Variants in DNAH7 observed in about 807,000 individuals in gnomAD.
DNAH7 encodes the protein axonemal beta dynein heavy chain 7.
In DNAH7, 397 loss-of-function variants were observed where a neutral mutation model predicts 444.6. The observed-to-expected ratio is 0.89, with a 90% CI of 0.82 to 0.97. The LOEUF is 0.97. Ranked by LOEUF, DNAH7 falls within the 50% of genes least tolerant of loss-of-function variation. The pLI, the probability that DNAH7 is intolerant of heterozygous loss-of-function variation, is 0.00. For synonymous variants in DNAH7, 1,636 were observed against 1,624.4 expected, an observed-to-expected ratio of 1.01 and a Z score of -0.17; for missense variants, 4,902 against 4,800.8, an observed-to-expected ratio of 1.02 and a Z score of -0.62.
intron 5 of DNAH7, among the ~76,000 whole-genome samples, chr2:196,043,909 T>C (rs761604459): frequency 6.6e-6 from 1 of 151,948 alleles, no homozygotes; most frequent in South Asian, 2.1e-4. Flanking sequence ...AAATAATAGA[T>C]GTTGGCGTGG....
intron 59 of DNAH7, 59 bp downstream of exon 59, chr2:195,777,741 T>A: frequency 6.6e-7 from 1 of 1,512,122 alleles, no homozygotes; most frequent in South Asian, 1.3e-5. Context: ...AAAAATATCA[T>A]CACTACCAAA....
chr2:195,798,669 G>A (rs1338219357), intron 55 of DNAH7, among the ~76,000 whole-genome samples: 3 of 149,648 alleles, frequency 2.0e-5, no homozygotes, highest in East Asian at 2.0e-4. Context: ...TCAGCCTCCC[G>A]AGTAGCTGGG....
chr2:195,857,716 G>C lies in DNAH7; in HGVS notation c.8075C>G (p.Thr2692Arg). The stretch of plus-strand genomic sequence containing the variant: ...AGGACTCTTCATGGATTTTACCACT[G>C]TAATATCCTTGAAATAACAACGTTA... ...ALDTLTAQDI[T>R]VVKSMKSPPA... The change falls in exon 44 of 65, where the codon ACA becomes AGA. Residue 2692 changes from threonine (T) to arginine (R), a missense_variant. Transcript: ENST00000312428. The C allele has an allele frequency of 6.3e-7, 1 of 1,579,614 alleles. No homozygotes were observed. Among genetic ancestry groups the C allele is most frequent in the Non-Finnish European group, 8.6e-7 (1 of 1,165,508 alleles).
intron 19 of DNAH7, among the ~76,000 whole-genome samples, chr2:195,940,312 C>T (rs983764269): frequency 1.3e-5 from 2 of 152,172 alleles, no homozygotes; most frequent in African/African-American, 4.8e-5. Flanking sequence ...AGAAAACTGG[C>T]TAGCCACATG....
chr2:195,864,917 A>G lies in DNAH7; in HGVS notation c.6738T>C (p.His2246=), dbSNP rs1700235324. The G allele has an allele frequency of 6.2e-7, 1 of 1,612,922 alleles. No homozygotes were observed. Among genetic ancestry groups the G allele is most frequent in the Non-Finnish European group, 8.5e-7 (1 of 1,180,014 alleles). The change falls in exon 41 of 65, where the codon CAT becomes CAC. Residue 2246 remains histidine, a synonymous_variant. Transcript: ENST00000312428. ...ILRNYMYEDF[H]ELFQRLDFDN... ...CAAAATCCAAACGCTGAAAAAGCTCATGAAAATCTTCATACATGTAGTTTC... is the reference window on the plus strand; with the variant it reads ...CAAAATCCAAACGCTGAAAAAGCTCGTGAAAATCTTCATACATGTAGTTTC...
rs1447167932 is a variant in DNAH7 at position 195,951,171 on chromosome 2, T to A, written c.3078+6090A>T. On this transcript the variant is annotated intron_variant, in intron 19 of 64. Transcript: ENST00000312428. ...TTCTCATCGGCTTCAAAGAACTTAT[T>A]TATTTCTGCCTTAATTTAGTTATTT... 3.3e-5 allele frequency among the ~76,000 whole-genome samples: 5 copies of A among 152,162 alleles called. No homozygotes were observed. In the East Asian group the frequency reaches 9.6e-4, roughly 29 times the overall value.
At chr2:195,875,903 G>GC in intron 37 of DNAH7, 60 bp from the exon 38 acceptor site, 4 of 1,477,922 alleles carry the variant, frequency 2.7e-6, no homozygotes, top group East Asian at 2.3e-5. Flanking sequence ...CAGTCCTATT[G>GC]TGTAAACAAT....
chr2:196,045,137 GAGGAGGAGAAGGAGGAGGAGAAGA>G (rs1204597461), intron 5 of DNAH7, among the ~76,000 whole-genome samples: 14 of 149,698 alleles, frequency 9.4e-5, no homozygotes, highest in Admixed American at 4.7e-4. Context: ...GGAGATGGAG[GAGGAGGAGAAGGAGGAGGAGAAGA>G]AGGAGGAGGA....
intron 64 of DNAH7, 141 bp from the exon 65 acceptor site, chr2:195,738,268 T>C: frequency 1.5e-6 from 1 of 684,224 alleles, no homozygotes; most frequent in Non-Finnish European, 2.5e-6. Context: ...AGCAGTGTTG[T>C]TGTGATTGCT....
At chr2:196,067,009 G>A (rs1698464658) in intron 1 of DNAH7, among the ~76,000 whole-genome samples, 1 of 152,118 alleles carries the variant, frequency 6.6e-6, no homozygotes, top group Non-Finnish European at 1.5e-5. Context: ...AATAGTAAGT[G>A]GAAAATGGAA....
intron 15 of DNAH7, among the ~76,000 whole-genome samples, chr2:195,976,335 TC>T (rs1692183569): frequency 6.6e-6 from 1 of 152,160 alleles, no homozygotes; most frequent in Non-Finnish European, 1.5e-5. Context: ...AAGAGTCTCC[TC>T]TGCTTATCAA....
intron 17 of DNAH7, among the ~76,000 whole-genome samples, chr2:195,963,673 G>T (rs549172810): frequency 6.6e-6 from 1 of 152,314 alleles, no homozygotes; most frequent in South Asian, 2.1e-4. Context: ...TATTACTCAA[G>T]AAATTTTTGC....
intron 19 of DNAH7, among the ~76,000 whole-genome samples, chr2:195,952,244 T>A (rs1186612028): frequency 1.3e-5 from 2 of 152,232 alleles, no homozygotes; most frequent in Non-Finnish European, 2.9e-5. Context: ...TCTTTAAGAA[T>A]GTTGAATATT....
chr2:195,930,938 C>T (rs890733781), intron 21 of DNAH7, among the ~76,000 whole-genome samples: 1 of 152,022 alleles, frequency 6.6e-6, no homozygotes, highest in Non-Finnish European at 1.5e-5. Context: ...AAATCAAATA[C>T]CACACGTTCC....
intron 46 of DNAH7, among the ~76,000 whole-genome samples, chr2:195,851,121 C>A (rs1012898784): frequency 6.6e-6 from 1 of 152,152 alleles, no homozygotes; most frequent in Non-Finnish European, 1.5e-5. Flanking sequence ...CCAGGAAGGG[C>A]TCTGGTCAGA....
At chr2:195,911,968 A>C (rs1687385712) in intron 24 of DNAH7, among the ~76,000 whole-genome samples, 1 of 152,092 alleles carries the variant, frequency 6.6e-6, no homozygotes, top group Non-Finnish European at 1.5e-5. Context: ...AATATGTAAC[A>C]CTCTATTTAA....
chr2:195,860,239 C>T (rs1041415754), intron 42 of DNAH7, among the ~76,000 whole-genome samples: 1 of 151,580 alleles, frequency 6.6e-6, no homozygotes, highest in Non-Finnish European at 1.5e-5. Flanking sequence ...TTTTATAATC[C>T]TTTTTTTTGT....
At chr2:196,033,584 T>C (rs552801030) in intron 5 of DNAH7, among the ~76,000 whole-genome samples, 2 of 152,220 alleles carry the variant, frequency 1.3e-5, no homozygotes, top group Non-Finnish European at 2.9e-5. Context: ...TCACTTAGCA[T>C]AGTGTTCTTC....
intron 2 of DNAH7, among the ~76,000 whole-genome samples, chr2:196,053,869 C>G (rs1559373757): frequency 6.6e-6 from 1 of 152,128 alleles, no homozygotes; most frequent in Non-Finnish European, 1.5e-5. Flanking sequence ...GAGGGACAGG[C>G]AGTTAAGAGC....
Sources: gnomAD v4.1 joint callset for allele counts (sites outside exome capture counted in the v4.1 genomes callset) on GRCh38, gnomAD v4.1.1 for gene constraint, MANE v1.5 for transcripts, NCBI Gene and HGNC (gene_info 2026-07-23, HGNC 2026-07-21) for gene names.